Variants in ZNF385D observed in about 807,000 individuals in gnomAD.
ZNF385D encodes the protein zinc finger protein 659.
A neutral mutation model predicts 35.8 loss-of-function variants in ZNF385D; 15 were observed. The observed-to-expected ratio is 0.42, with a 90% CI of 0.28 to 0.64. The LOEUF (loss-of-function observed/expected upper bound fraction) is 0.64, where lower values mean the gene tolerates loss of function less well. ZNF385D is among the 30% of genes least tolerant of loss of function. ZNF385D has a pLI of 0.23. For missense variants in ZNF385D, 474 were observed against 494.6 expected, an observed-to-expected ratio of 0.96 and a Z score of 0.39; for synonymous variants, 212 against 186.8, an observed-to-expected ratio of 1.13 and a Z score of -1.10.
chr3:22,048,501 T>A (rs1318498691), intron 3 of ZNF385D, among the ~76,000 whole-genome samples: 1 of 152,202 alleles, frequency 6.6e-6, no homozygotes, highest in African/African-American at 2.4e-5. Flanking sequence ...TTGAAGGGAC[T>A]GTCCCTTCCC....
chr3:21,755,957 C>A (rs73822051), upstream of ZNF385D, among the ~76,000 whole-genome samples: 4,683 of 152,042 alleles, frequency 0.031, 225 homozygotes, highest in African/African-American at 0.11. Flanking sequence ...AAAAGCAAAC[C>A]AAGAGTTGAC....
chr3:21,669,740 C>G (rs1052467686), intron 1 of ZNF385D, among the ~76,000 whole-genome samples: 1 of 152,050 alleles, frequency 6.6e-6, no homozygotes, highest in East Asian at 1.9e-4. Flanking sequence ...TTTAATGAAC[C>G]GAAGAACTTC....
intron 1 of ZNF385D, among the ~76,000 whole-genome samples, chr3:21,692,828 C>G (rs2067328036): frequency 6.6e-6 from 1 of 152,218 alleles, no homozygotes; most frequent in African/African-American, 2.4e-5. Flanking sequence ...CCATGTGTCT[C>G]AGGCAGAATA....
chr3:22,075,382 C>T (rs79080073), intron 3 of ZNF385D, among the ~76,000 whole-genome samples: 9,973 of 151,954 alleles, frequency 0.066, 428 homozygotes, highest in African/African-American at 0.11. Context: ...TCACTCTAAT[C>T]TGATTCCTAT....
intron 2 of ZNF385D, among the ~76,000 whole-genome samples, chr3:21,578,817 G>A (rs1308630646): frequency 6.6e-6 from 1 of 151,912 alleles, no homozygotes; most frequent in African/African-American, 2.4e-5. Flanking sequence ...GCTATTTGGG[G>A]TCTTTTGTGG....
intron 2 of ZNF385D, among the ~76,000 whole-genome samples, chr3:22,180,472 G>A (rs532520133): frequency 6.6e-6 from 1 of 152,074 alleles, no homozygotes; most frequent in Non-Finnish European, 1.5e-5. Context: ...GCCTGGCAGA[G>A]ACACAACACA....
chr3:21,840,055 A>G (rs1031167445), intron 3 of ZNF385D, among the ~76,000 whole-genome samples: 3 of 152,098 alleles, frequency 2.0e-5, no homozygotes, highest in African/African-American at 7.2e-5. Context: ...AAGTGGAAAA[A>G]AGAAGAATGT....
At chr3:22,227,206 G>T (rs1340965384) in intron 2 of ZNF385D, among the ~76,000 whole-genome samples, 1 of 151,970 alleles carries the variant, frequency 6.6e-6, no homozygotes, top group Non-Finnish European at 1.5e-5. Context: ...GTAGGTGCTT[G>T]TCATCCAAGG....
chr3:21,659,373 CTA>C (rs2066167548), intron 2 of ZNF385D, among the ~76,000 whole-genome samples: 1 of 152,094 alleles, frequency 6.6e-6, no homozygotes, highest in Non-Finnish European at 1.5e-5. Flanking sequence ...AAATACGCAT[CTA>C]TGTGTTTTCC....
chr3:22,098,268 G>C (rs1167941437), intron 3 of ZNF385D, among the ~76,000 whole-genome samples: 1 of 152,020 alleles, frequency 6.6e-6, no homozygotes, highest in African/African-American at 2.4e-5. Context: ...CAGAGGAAGT[G>C]ACCATTCAAG....
chr3:21,954,378 G>C (rs1486366), intron 3 of ZNF385D, among the ~76,000 whole-genome samples: 131,017 of 151,936 alleles, frequency 0.86, 56,665 homozygotes, highest in East Asian at 0.98. Context: ...CTCAAAATTA[G>C]AGTTTTTGAC....
chr3:22,223,430 G>A lies in ZNF385D; in HGVS notation c.107-54395C>T, dbSNP rs570754872. On this transcript the variant is annotated intron_variant, in intron 2 of 5. Transcript: ENST00000494108. ...AATCTTTATTTCTGCACTGTATCAC[G>A]TACTTGCTGAACAATATGGGATTGA... Among the ~76,000 whole-genome samples the A allele has an allele frequency of 1.9e-3, 289 of 152,074 alleles. 2 individuals are homozygous for A. Among genetic ancestry groups the A allele is most frequent in the African/African-American group, 6.3e-3 (260 of 41,480 alleles).
chr3:21,459,477 G>C (rs1455335737), intron 4 of ZNF385D: 2 of 151,886 alleles, frequency 1.3e-5, no homozygotes, highest in Admixed American at 1.3e-4. Context: ...GAGAAGAGCA[G>C]AATGAAATAT....
intron 2 of ZNF385D, among the ~76,000 whole-genome samples, chr3:22,333,200 A>C (rs978569092): frequency 1.3e-5 from 2 of 152,008 alleles, no homozygotes; most frequent in African/African-American, 4.8e-5. Context: ...ACCCTTTATA[A>C]GTTTTTCTCA....
chr3:22,164,216 C>CTTTTTTTTTTTTTTTTTTTTTTTTTT lies in ZNF385D; in HGVS notation c.325+4575_325+4600dup, dbSNP rs571978176. 1.1e-4 allele frequency among the ~76,000 whole-genome samples: 8 copies of CTTTTTTTTTTTTTTTTTTTTTTTTTT among 74,950 alleles called. 1 individual carries two copies. The highest frequency in any genetic ancestry group is 5.8e-4 in the East Asian group (1 of 1,738). 49.2% of individuals were successfully genotyped at this position (74,950 alleles called of 152,430 possible). On this transcript the variant is annotated intron_variant, in intron 3 of 5. Coordinates refer to the ZNF385D transcript ENST00000494108. ...CACTATAGGTAATACAAAAGGAGCA[C>CTTTTTTTTTTTTTTTTTTTTTTTTTT]TTTTTTTTTTTTTTTTTTTTTTTTT... is the stretch of plus-strand genomic sequence containing the variant.
intron 3 of ZNF385D, among the ~76,000 whole-genome samples, chr3:21,971,763 A>G (rs1057014861): frequency 2.6e-5 from 4 of 151,956 alleles, no homozygotes; most frequent in African/African-American, 9.7e-5. Context: ...AAATAAAGGG[A>G]TGAAAAAAGA....
chr3:22,105,307 C>A (rs534754726), intron 3 of ZNF385D, among the ~76,000 whole-genome samples: 4 of 143,876 alleles, frequency 2.8e-5, no homozygotes, highest in African/African-American at 5.1e-5. Context: ...TGCATATTGC[C>A]TTTTTTTTTT....
At chr3:22,249,290 A>AG (rs1445401069) in intron 2 of ZNF385D, among the ~76,000 whole-genome samples, 1 of 152,162 alleles carries the variant, frequency 6.6e-6, no homozygotes, top group East Asian at 1.9e-4. Context: ...CCATATTAGC[A>AG]ACTGTCTTAA....
chr3:21,979,604 C>A (rs1409592899), intron 3 of ZNF385D: 1 of 152,142 alleles, frequency 6.6e-6, no homozygotes, highest in African/African-American at 2.4e-5. Flanking sequence ...TACTTTCTTA[C>A]AAGGTTCAAG....
Sources: allele counts gnomAD v4.1 joint callset (sites outside exome capture counted in the v4.1 genomes callset), GRCh38; gene constraint gnomAD v4.1.1; transcripts MANE v1.5; gene names NCBI Gene and HGNC (gene_info 2026-07-23, HGNC 2026-07-21).